PDE8B: variants seen among roughly 807,000 people sequenced by gnomAD.
PDE8B encodes phosphodiesterase 8B, also known as high affinity cAMP-specific and IBMX-insensitive 3',5'-cyclic phosphodiesterase 8B.
In PDE8B, 26 loss-of-function variants were observed where a neutral mutation model predicts 101.3. That is an observed-to-expected ratio of 0.26 (90% CI 0.19 to 0.36). The LOEUF (loss-of-function observed/expected upper bound fraction) is 0.36. Among genes scored for constraint, PDE8B ranks in the 10% least tolerant of loss-of-function variants. The pLI is 1.00. For missense variants in PDE8B, 810 were observed against 1,163.1 expected (o/e 0.70, Z 4.42); for synonymous variants, 424 against 429.3 (o/e 0.99, Z 0.15).
rs897849342 is a variant in PDE8B at position 77,273,527 on chromosome 5, T to G, written c.340-38467T>G. Among the ~76,000 whole-genome samples, 6 of 152,262 alleles carry G rather than the reference T, an allele frequency of 3.9e-5. No individual in the cohort carries two copies. In the East Asian group the frequency reaches 1.2e-3, roughly 29 times the overall value. On this transcript the variant is annotated intron_variant, in intron 1 of 21. Transcript: ENST00000264917. The stretch of plus-strand genomic sequence containing the variant: ...GGAGGGGAGATATGATAGGTAGAGA[T>G]GACTTTAAACACAACAATGTGAGAT...
chr5:77,388,923 C>T (rs545353286), intron 10 of PDE8B, among the ~76,000 whole-genome samples: 13 of 152,254 alleles, frequency 8.5e-5, no homozygotes, highest in African/African-American at 2.9e-4. Context: ...CCCCTCCCCA[C>T]GCCAAGCTCA....
At chr5:77,115,598 A>G in the PDE8B span, among the ~76,000 whole-genome samples, 1 of 152,216 alleles carries the variant, frequency 6.6e-6, no homozygotes, top group Non-Finnish European at 1.5e-5. Context: ...TACTTTCTGA[A>G]CGTTTGCTTA....
chr5:77,311,416 G>T (rs763516062), intron 1 of PDE8B, among the ~76,000 whole-genome samples: 3 of 152,166 alleles, frequency 2.0e-5, no homozygotes, highest in Non-Finnish European at 2.9e-5. Context: ...CAGTTTATTT[G>T]TGGAACTACA....
At chr5:77,244,058 C>T (rs1213780099) in intron 1 of PDE8B, among the ~76,000 whole-genome samples, 1 of 151,944 alleles carries the variant, frequency 6.6e-6, no homozygotes, top group East Asian at 1.9e-4. Flanking sequence ...ACTCCACCAC[C>T]ACCACCACCA....
chr5:77,207,053 A>G (rs1231246663), upstream of PDE8B, among the ~76,000 whole-genome samples: 1 of 152,162 alleles, frequency 6.6e-6, no homozygotes, highest in Non-Finnish European at 1.5e-5. Flanking sequence ...CCTGAATTCA[A>G]TGTACCTTCC....
At chr5:77,133,497 G>A in the PDE8B span, among the ~76,000 whole-genome samples, 1 of 152,192 alleles carries the variant, frequency 6.6e-6, no homozygotes, top group Non-Finnish European at 1.5e-5. Context: ...ATTAGAAATT[G>A]ATATTTGTAG....
At chr5:77,092,598 A>G in the PDE8B span, 1 of 152,354 alleles carries the variant, frequency 6.6e-6, no homozygotes, top group South Asian at 2.1e-4. Context: ...CAGAAATTAC[A>G]GCCTTGAAAT....
intron 20 of PDE8B, among the ~76,000 whole-genome samples, chr5:77,423,283 C>A (rs915906204): frequency 2.5e-4 from 38 of 152,162 alleles, no homozygotes; most frequent in African/African-American, 8.7e-4. Flanking sequence ...TGGGTTGATT[C>A]CATGTCTTTG....
At chr5:77,193,701 A>G in the PDE8B span, among the ~76,000 whole-genome samples, 1 of 152,164 alleles carries the variant, frequency 6.6e-6, no homozygotes, top group Non-Finnish European at 1.5e-5. Flanking sequence ...ATTTTTACAG[A>G]TATAAACCTG....
chr5:77,307,867 T>A (rs186778213), intron 1 of PDE8B, among the ~76,000 whole-genome samples: 10 of 152,306 alleles, frequency 6.6e-5, no homozygotes, highest in Admixed American at 2.6e-4. Flanking sequence ...CCCCCACCCC[T>A]GCATTTGTTT....
rs1258638041 is a variant in PDE8B at position 77,425,884 on chromosome 5, G to C, written c.2536G>C (p.Asp846His). 1 of 1,613,686 alleles carries C rather than the reference G, an allele frequency of 6.2e-7. No homozygotes were observed. Among genetic ancestry groups the C allele is most frequent in the South Asian group, 1.1e-5 (1 of 91,062 alleles). Reference protein sequence around the residue: ...FIDYFITDMFDAWDAFAHLPA... With the variant: ...FIDYFITDMFHAWDAFAHLPA... ...TGACTACTTCATAACAGACATGTTT[G>C]ATGCTTGGGATGGTAAGACAGTTAC... Residue 846 changes from aspartate (D) to histidine (H), a missense_variant, in exon 21 of 22, where the codon GAT becomes CAT. Coordinates refer to ENST00000264917, the MANE Select transcript of PDE8B (RefSeq NM_003719.5).
intron 2 of PDE8B, among the ~76,000 whole-genome samples, chr5:77,322,258 T>C (rs1775235873): frequency 6.6e-6 from 1 of 152,190 alleles, no homozygotes; most frequent in Admixed American, 6.5e-5. Context: ...ATGAAGGGCA[T>C]GCTCACAGGA....
intron 10 of PDE8B, among the ~76,000 whole-genome samples, chr5:77,393,129 C>A (rs1394262881): frequency 1.3e-5 from 2 of 152,176 alleles, no homozygotes; most frequent in Admixed American, 1.3e-4. Flanking sequence ...TACAGTGGCT[C>A]ACGCCTGTAA....
chr5:77,251,283 A>G (rs1203107323), intron 1 of PDE8B, among the ~76,000 whole-genome samples: 3 of 151,764 alleles, frequency 2.0e-5, no homozygotes, highest in Non-Finnish European at 4.4e-5. Flanking sequence ...TGTTTTTAGG[A>G]TTTTCTTTGT....
chr5:77,410,107 G>T (rs532480628), intron 14 of PDE8B, among the ~76,000 whole-genome samples: 1 of 152,252 alleles, frequency 6.6e-6, no homozygotes, highest in African/African-American at 2.4e-5. Context: ...GGCTCAGCCC[G>T]GGAGGGTTCT....
intron 1 of PDE8B, among the ~76,000 whole-genome samples, chr5:77,277,781 C>CTTT (rs1005167094): frequency 1.7e-4 from 26 of 152,296 alleles, no homozygotes; most frequent in African/African-American, 6.3e-4. Flanking sequence ...CAGTGAGACA[C>CTTT]TAAAGACTTC....
chr5:77,140,081 AG>A, the PDE8B span: 1 of 152,122 alleles, frequency 6.6e-6, no homozygotes. Context: ...TATGCCTGCA[AG>A]TTTGCTTCTG....
At chr5:77,248,500 A>G (rs995542059) in intron 1 of PDE8B, among the ~76,000 whole-genome samples, 1 of 152,096 alleles carries the variant, frequency 6.6e-6, no homozygotes, top group African/African-American at 2.4e-5. Context: ...CACAACACGG[A>G]TCATTGGCCT....
chr5:77,345,677 G>A (rs1177642670), intron 7 of PDE8B, among the ~76,000 whole-genome samples: 1 of 152,214 alleles, frequency 6.6e-6, no homozygotes, highest in African/African-American at 2.4e-5. Flanking sequence ...TTCAAGAAAT[G>A]AGGTGTTCTT....
Sources: gnomAD v4.1 joint callset for allele counts (sites outside exome capture counted in the v4.1 genomes callset) on GRCh38, gnomAD v4.1.1 for gene constraint, MANE v1.5 for transcripts, NCBI Gene and HGNC (gene_info 2026-07-23, HGNC 2026-07-21) for gene names.